ANKS1A: variants seen among roughly 807,000 people sequenced by gnomAD.
ANKS1A encodes ankyrin repeat and sterile alpha motif domain containing 1A.
A neutral mutation model predicts 120.3 loss-of-function variants in ANKS1A; 55 were observed. The observed-to-expected ratio is 0.46, with a 90% confidence interval of 0.37 to 0.57. The LOEUF (loss-of-function observed/expected upper bound fraction) is 0.57. Ranked by LOEUF, ANKS1A falls within the 20% of genes least tolerant of loss-of-function variation. ANKS1A has a pLI of 0.00. For missense variants in ANKS1A, 1,123 were observed against 1,480.3 expected (o/e 0.76, Z 3.96); for synonymous variants, 590 against 604.7 (o/e 0.98, Z 0.36).
At chr6:35,005,737 C>T (rs1233083699) in intron 10 of ANKS1A, 2 of 449,110 alleles carry the variant, frequency 4.5e-6, no homozygotes, top group Admixed American at 2.4e-5. Context: ...AGGAAAAAAC[C>T]GCTACATATG....
chr6:34,909,284 G>A (rs1257309221), intron 1 of ANKS1A, among the ~76,000 whole-genome samples: 4 of 152,124 alleles, frequency 2.6e-5, no homozygotes, highest in Admixed American at 1.3e-4. Flanking sequence ...ACAGACCTGG[G>A]CTTATATAAC....
chr6:34,991,163 G>C (rs1041218004), intron 9 of ANKS1A, among the ~76,000 whole-genome samples: 6 of 152,034 alleles, frequency 3.9e-5, no homozygotes, highest in African/African-American at 1.4e-4. Context: ...CCTAAGCCTG[G>C]TCATTGTCAG....
intron 10 of ANKS1A, among the ~76,000 whole-genome samples, chr6:34,996,707 G>A (rs566702714): frequency 4.1e-4 from 63 of 152,220 alleles, no homozygotes; most frequent in African/African-American, 1.4e-3. Flanking sequence ...TCTTGACCTC[G>A]TGATCCACCT....
At chr6:34,999,950 C>CAG (rs778801795) in intron 10 of ANKS1A, among the ~76,000 whole-genome samples, 5 of 151,222 alleles carry the variant, frequency 3.3e-5, no homozygotes, top group Non-Finnish European at 5.9e-5. Context: ...AAAGGAAAGT[C>CAG]AGAGAGAGAG....
Position 34,981,892 on chromosome 6 carries a change from C to T in ANKS1A, c.638C>T (p.Thr213Ile). 4 of 1,614,168 alleles carry T rather than the reference C, an allele frequency of 2.5e-6. No individual in the cohort carries two copies. The South Asian group carries it at 3.3e-5, about 13-fold the overall frequency. Residue 213 changes from threonine to isoleucine, a missense_variant, in exon 4 of 24, where the codon ACT (threonine) becomes ATT (isoleucine). This residue lies in a region of ANKS1A where 146 missense variants were observed against 267.8 expected (regional missense o/e 0.55). Coordinates refer to ENST00000360359, the MANE Select transcript of ANKS1A (RefSeq NM_015245.3). Reference sequence around the variant, plus strand: ...CACCCCAACCTCCTGAGCTGCAACACTAAGAAGCACACCCCTCTGCACTTG... The same window carrying T: ...CACCCCAACCTCCTGAGCTGCAACATTAAGAAGCACACCCCTCTGCACTTG... Reference protein sequence around the residue: ...NAHPNLLSCNTKKHTPLHLAA... With the variant: ...NAHPNLLSCNIKKHTPLHLAA...
chr6:35,083,647 T>C, intron 20 of ANKS1A, 144 bp downstream of exon 20: 1 of 768,008 alleles, frequency 1.3e-6, no homozygotes, highest in South Asian at 1.6e-5. Context: ...CTTCCCACTT[T>C]GCTAAGAGGC....
At chr6:35,052,168 C>T (rs1482228551) in intron 11 of ANKS1A, among the ~76,000 whole-genome samples, 1 of 152,076 alleles carries the variant, frequency 6.6e-6, no homozygotes, top group Non-Finnish European at 1.5e-5. Context: ...GAAAAAATAG[C>T]CAGGTACAGT....
At chr6:35,054,301 A>C (rs749120695) in intron 12 of ANKS1A, 136 bp downstream of exon 12, 1 of 737,002 alleles carries the variant, frequency 1.4e-6, no homozygotes. Flanking sequence ...ATGCTCCTAT[A>C]ATTCAGTCTC....
intron 13 of ANKS1A, among the ~76,000 whole-genome samples, chr6:35,074,707 A>T (rs1366324791): frequency 6.6e-6 from 1 of 152,182 alleles, no homozygotes; most frequent in Non-Finnish European, 1.5e-5. Flanking sequence ...TCAGACCTGG[A>T]GTGGTGCCCA....
intron 10 of ANKS1A, among the ~76,000 whole-genome samples, chr6:35,013,201 G>A (rs1344059268): frequency 1.3e-5 from 2 of 152,200 alleles, no homozygotes; most frequent in Admixed American, 6.5e-5. Flanking sequence ...CTTCTGGTTC[G>A]AAGTAATCAG....
chr6:35,092,636 A>C (rs1052013881), downstream of ANKS1A, among the ~76,000 whole-genome samples: 2 of 152,204 alleles, frequency 1.3e-5, no homozygotes, highest in African/African-American at 4.8e-5. Context: ...GAAACCTGAC[A>C]GCCAGAAGAG....
chr6:34,918,784 T>C lies in ANKS1A; in HGVS notation c.197+29185T>C, dbSNP rs141565878. Among the ~76,000 whole-genome samples, 1,414 of 152,318 alleles carry C rather than the reference T, an allele frequency of 9.3e-3. 52 individuals carry two copies. Among genetic ancestry groups the C allele is most frequent in the Admixed American group, 0.072 (1,101 of 15,290 alleles). ...ATTTTTTTTTTAACGGAACACCATG[T>C]AACTATAGCATATTGACTGTGACTT... On this transcript the variant is annotated intron_variant, in intron 1 of 23. Transcript: ENST00000360359.
intron 11 of ANKS1A, among the ~76,000 whole-genome samples, chr6:35,049,840 C>T (rs981259056): frequency 6.6e-6 from 1 of 152,220 alleles, no homozygotes; most frequent in African/African-American, 2.4e-5. Flanking sequence ...CTGCACACAG[C>T]CGTGACTTGT....
chr6:35,037,003 C>T (rs1459963252), intron 11 of ANKS1A, among the ~76,000 whole-genome samples: 2 of 152,232 alleles, frequency 1.3e-5, no homozygotes, highest in Admixed American at 6.5e-5. Flanking sequence ...TCCCTCTATT[C>T]GTGAACAGAC....
chr6:35,078,747 G>A (rs1777501939), intron 14 of ANKS1A, 91 bp downstream of exon 14: 2 of 1,243,790 alleles, frequency 1.6e-6, no homozygotes, highest in Admixed American at 1.8e-5. Flanking sequence ...GAGGAGCAGG[G>A]CTCCAGCACA....
chr6:34,950,359 G>A (rs1005183959), intron 1 of ANKS1A, among the ~76,000 whole-genome samples: 3 of 151,140 alleles, frequency 2.0e-5, no homozygotes, highest in African/African-American at 7.3e-5. Flanking sequence ...CCCTCAGGTA[G>A]CTGGGATTAC....
downstream of ANKS1A, among the ~76,000 whole-genome samples, chr6:35,093,771 C>G (rs527589008): frequency 5.9e-4 from 90 of 152,262 alleles, no homozygotes; most frequent in Admixed American, 1.3e-3. Flanking sequence ...GGCAGCTTAG[C>G]AAGACAGAAA....
intron 10 of ANKS1A, among the ~76,000 whole-genome samples, chr6:35,001,886 C>T (rs1773189297): frequency 6.6e-6 from 1 of 152,192 alleles, no homozygotes; most frequent in South Asian, 2.1e-4. Context: ...TGGCCAAGGC[C>T]AGTGGCCTAT....
chr6:34,919,912 C>A (rs1263329709), intron 1 of ANKS1A, among the ~76,000 whole-genome samples: 1 of 152,076 alleles, frequency 6.6e-6, no homozygotes, highest in African/African-American at 2.4e-5. Flanking sequence ...CCCAGAGGGC[C>A]TGTTCTAGAA....
Sources: gnomAD v4.1 joint callset for allele counts (sites outside exome capture counted in the v4.1 genomes callset) on GRCh38, gnomAD v4.1.1 for gene constraint, gnomAD v4.1.1 regional missense constraint, MANE v1.5 for transcripts, NCBI Gene and HGNC (gene_info 2026-07-23, HGNC 2026-07-21) for gene names.